The following SLC28A1 variants were observed in gnomAD, a reference collection of about 807,000 sequenced individuals.
SLC28A1 encodes the protein sodium/nucleoside cotransporter 1.
A neutral mutation model predicts 74.8 loss-of-function variants in SLC28A1; 64 were observed. The ratio of observed to expected loss-of-function variants is 0.86; its 90% CI spans 0.70 to 1.05. The LOEUF is 1.05. Ranked by LOEUF, SLC28A1 falls within the 50% of genes least tolerant of loss-of-function variation. The pLI, the probability that SLC28A1 is intolerant of heterozygous loss-of-function variation, is 0.00. For missense variants in SLC28A1, 828 were observed against 822.8 expected (o/e 1.01, Z -0.08); for synonymous variants, 359 against 335.0 (o/e 1.07, Z -0.78).
chr15:84,899,184 GA>G (rs139497758), intron 6 of SLC28A1, among the ~76,000 whole-genome samples: 5 of 148,490 alleles, frequency 3.4e-5, no homozygotes, highest in Middle Eastern at 3.4e-3. Flanking sequence ...CAGTAGCAGA[GA>G]AAAAAAAAAT....
intron 6 of SLC28A1, 105 bp downstream of exon 6, chr15:84,895,228 C>A: frequency 6.3e-7 from 1 of 1,576,524 alleles, no homozygotes; most frequent in South Asian, 1.1e-5. Flanking sequence ...GGCTCTGTGT[C>A]ATGGAGAACT....
chr15:84,912,807 CACACACA>C (rs1968512045), intron 9 of SLC28A1, among the ~76,000 whole-genome samples: 13 of 9,088 alleles, frequency 1.4e-3, no homozygotes, highest in Non-Finnish European at 2.7e-3. Flanking sequence ...TGCGCGCGCG[CACACACA>C]CACACACACA....
chr15:84,974,902 A>G, the SLC28A1 span, among the ~76,000 whole-genome samples: 2 of 152,042 alleles, frequency 1.3e-5, no homozygotes, highest in Non-Finnish European at 2.9e-5. Context: ...GGGCCTCAGC[A>G]TTTCCCATAC....
chr15:84,965,192 A>G, the SLC28A1 span, among the ~76,000 whole-genome samples: 1 of 152,212 alleles, frequency 6.6e-6, no homozygotes, highest in African/African-American at 2.4e-5. Flanking sequence ...TGATGGTTTT[A>G]TAAAGGGCCT....
the SLC28A1 span, among the ~76,000 whole-genome samples, chr15:84,965,135 C>A: frequency 7.2e-5 from 11 of 152,162 alleles, no homozygotes; most frequent in Non-Finnish European, 1.6e-4. Context: ...GGTGGTTACC[C>A]CCATGCTGTT....
At chr15:84,910,684 T>G (rs796930251) in intron 9 of SLC28A1, among the ~76,000 whole-genome samples, 1 of 152,096 alleles carries the variant, frequency 6.6e-6, no homozygotes, top group Non-Finnish European at 1.5e-5. Flanking sequence ...GCTGAGATCA[T>G]GCCATTGCAC....
intron 12 of SLC28A1, 69 bp from the exon 13 acceptor site, chr15:84,933,076 G>A: frequency 3.8e-6 from 6 of 1,573,912 alleles, no homozygotes; most frequent in South Asian, 1.1e-5. Flanking sequence ...TGCTGCCCTG[G>A]GCCGCACTCC....
intron 5 of SLC28A1, among the ~76,000 whole-genome samples, 166 bp from the exon 6 acceptor site, chr15:84,894,774 C>T (rs568734389): frequency 2.0e-5 from 3 of 152,290 alleles, no homozygotes; most frequent in East Asian, 1.9e-4. Flanking sequence ...GGCACAGTAG[C>T]GGTGGTTGTT....
chr15:84,929,208 G>A (rs545427149), intron 12 of SLC28A1, among the ~76,000 whole-genome samples: 1 of 152,266 alleles, frequency 6.6e-6, no homozygotes, highest in East Asian at 1.9e-4. Context: ...AGTTAAATAA[G>A]ACATTATTAA....
At chr15:84,891,368 G>A (rs1031980094) in intron 5 of SLC28A1, among the ~76,000 whole-genome samples, 3 of 152,158 alleles carry the variant, frequency 2.0e-5, no homozygotes, top group Admixed American at 6.5e-5. Context: ...GGGCCTGCTC[G>A]GGTGATAGGA....
chr15:84,909,234 C>A (rs545515141), intron 9 of SLC28A1, among the ~76,000 whole-genome samples: 1 of 152,166 alleles, frequency 6.6e-6, no homozygotes, highest in South Asian at 2.1e-4. Flanking sequence ...TCCTTCAGGG[C>A]CCCTCACAGG....
chr15:84,959,080 A>T, the SLC28A1 span, among the ~76,000 whole-genome samples: 1 of 127,528 alleles, frequency 7.8e-6, no homozygotes, highest in Non-Finnish European at 1.6e-5. Flanking sequence ...AGCCTGGGTG[A>T]CAGAGTGAGG....
At chr15:84,960,819 C>T in the SLC28A1 span, among the ~76,000 whole-genome samples, 1 of 152,226 alleles carries the variant, frequency 6.6e-6, no homozygotes, top group South Asian at 2.1e-4. Flanking sequence ...TTGCTGCTCT[C>T]ACTCTCTTAG....
At chr15:84,956,414 C>T in the SLC28A1 span, among the ~76,000 whole-genome samples, 3 of 149,974 alleles carry the variant, frequency 2.0e-5, no homozygotes, top group Admixed American at 2.0e-4. Context: ...CCCTTCCTTC[C>T]TTCCTTCCTT....
chr15:84,951,402 G>A, the SLC28A1 span, among the ~76,000 whole-genome samples: 1 of 150,642 alleles, frequency 6.6e-6, no homozygotes, highest in Non-Finnish European at 1.5e-5. Context: ...CTCCAGCTCA[G>A]GTGACAGAGC....
At chr15:84,937,858 C>G (rs1054722131) in intron 15 of SLC28A1, among the ~76,000 whole-genome samples, 1 of 151,682 alleles carries the variant, frequency 6.6e-6, no homozygotes, top group Non-Finnish European at 1.5e-5. Flanking sequence ...GATTGTGCCA[C>G]TGCACTCCAG....
At chr15:84,967,661 C>T in the SLC28A1 span, among the ~76,000 whole-genome samples, 3 of 152,160 alleles carry the variant, frequency 2.0e-5, no homozygotes, top group East Asian at 1.9e-4. Context: ...GTAGCAGCCC[C>T]GTATGGGACT....
chr15:84,897,770 A>G (rs73439904), intron 6 of SLC28A1, among the ~76,000 whole-genome samples: 22,925 of 152,012 alleles, frequency 0.15, 1,944 homozygotes, highest in African/African-American at 0.22. Flanking sequence ...TTAATCAACT[A>G]CTCGTCATCC....
At chr15:84,937,860 G>A (rs566680046) in intron 15 of SLC28A1, among the ~76,000 whole-genome samples, 6 of 150,694 alleles carry the variant, frequency 4.0e-5, no homozygotes, top group Non-Finnish European at 8.8e-5. Context: ...TTGTGCCACT[G>A]CACTCCAGCT....
Sources: gnomAD v4.1 joint callset for allele counts (sites outside exome capture counted in the v4.1 genomes callset) on GRCh38, gnomAD v4.1.1 for gene constraint, MANE v1.5 for transcripts, NCBI Gene and HGNC (gene_info 2026-07-23, HGNC 2026-07-21) for gene names.